Variants in ST6GALNAC1 observed in about 807,000 individuals in gnomAD.
ST6GALNAC1 encodes ST6 N-acetylgalactosaminide alpha-2,6-sialyltransferase 1.
ST6GALNAC1 carries 45 observed loss-of-function variants against 56.8 expected under a neutral mutation model. The observed-to-expected ratio is 0.79, with a 90% CI of 0.62 to 1.02. The LOEUF (loss-of-function observed/expected upper bound fraction) is 1.02, where lower values mean the gene tolerates loss of function less well. ST6GALNAC1 is among the 50% of genes least tolerant of loss of function. The pLI, the probability that ST6GALNAC1 is intolerant of heterozygous loss-of-function variation, is 0.00. For missense variants in ST6GALNAC1, 743 were observed against 754.8 expected, an observed-to-expected ratio of 0.98 and a Z score of 0.18; for synonymous variants, 295 against 297.8, an observed-to-expected ratio of 0.99 and a Z score of 0.10.
chr17:76,624,410 C>T (rs754949711), downstream of ST6GALNAC1, among the ~76,000 whole-genome samples: 3 of 152,006 alleles, frequency 2.0e-5, no homozygotes, highest in Admixed American at 6.6e-5. Context: ...CCACCACGCC[C>T]GGCTTACTTT....
Position 76,643,511 on chromosome 17 carries a change from G to C in ST6GALNAC1, c.128C>G (p.Ser43Cys), listed in dbSNP as rs745878575. 2 of 1,613,912 alleles carry C rather than the reference G, an allele frequency of 1.2e-6. No homozygotes were observed. The highest frequency in any genetic ancestry group is 1.1e-5 in the South Asian group (1 of 91,058). The change falls in exon 1 of 9, where the codon TCC becomes TGC. Residue 43 changes from serine (S) to cysteine (C), a missense_variant. Physicochemically the swap from Ser to Cys is moderately radical, Grantham distance 112. Transcript: ENST00000156626. Reference sequence around the variant, plus strand: ...GTGGAAAGGACAAGAATCTTACCTGGAAGGCTTTGTTTGAGGCTCCTTAAT... The same window carrying C: ...GTGGAAAGGACAAGAATCTTACCTGCAAGGCTTTGTTTGAGGCTCCTTAAT... ...SFIKEPQTKP[S>C]RHQRTENIKE...
Position 76,626,784 on chromosome 17 carries a change from C to T in ST6GALNAC1, c.1178G>A (p.Ser393Asn). ...TTCGTAGCCTTTAATGAGAGCTCCG[C>T]TCAATCTGTGCAGAAAGACACAATC... is the stretch of plus-strand genomic sequence containing the variant. ...IDSHDYVFRL[S>N]GALIKGYEQD... The change falls in exon 5 of 9, where the codon AGC becomes AAC. Residue 393 changes from serine (S) to asparagine (N), a missense_variant. Coordinates refer to ENST00000156626, the MANE Select transcript of ST6GALNAC1 (RefSeq NM_018414.5). 6.2e-7 allele frequency: 1 copy of T among 1,614,032 alleles called. No individual in the cohort carries two copies. The highest frequency in any genetic ancestry group is 8.5e-7 in the Non-Finnish European group (1 of 1,180,044).
At chr17:76,631,865 A>G (rs903207769) in intron 1 of ST6GALNAC1, among the ~76,000 whole-genome samples, 6 of 152,164 alleles carry the variant, frequency 3.9e-5, no homozygotes, top group African/African-American at 1.4e-4. Context: ...TTATTGGTTC[A>G]TGAACTGGGA....
chr17:76,643,127 T>C (rs999855827), intron 1 of ST6GALNAC1, among the ~76,000 whole-genome samples: 1 of 152,188 alleles, frequency 6.6e-6, no homozygotes, highest in African/African-American at 2.4e-5. Context: ...CATGGCTCTT[T>C]CGCTTCAGGA....
In ST6GALNAC1 at chr17:76,626,803, C is replaced by T. The variant is rs187933583; in HGVS notation, c.1173-14G>A. 787 of 1,576,616 alleles carry T rather than the reference C, an allele frequency of 5.0e-4. No homozygotes were observed. Among genetic ancestry groups the T allele is most frequent in the Middle Eastern group, 2.3e-3 (14 of 5,996 alleles). ...GCTCCGCTCAATCTGTGCAGAAAGA[C>T]ACAATCAGACGGGACAGGTGAGCAG... On this transcript the variant is annotated splice_polypyrimidine_tract_variant and intron_variant, in intron 4 of 8. Coordinates refer to ENST00000156626, the MANE Select transcript of ST6GALNAC1 (RefSeq NM_018414.5).
intron 5 of ST6GALNAC1, 38 bp downstream of exon 5, chr17:76,626,611 CAG>C (rs752532873): frequency 8.1e-6 from 13 of 1,613,118 alleles, no homozygotes; most frequent in Non-Finnish European, 9.3e-6. Context: ...CTCCCTCATC[CAG>C]AGTCTGGGTG....
intron 1 of ST6GALNAC1, among the ~76,000 whole-genome samples, chr17:76,634,599 C>T (rs1024297193): frequency 2.4e-4 from 30 of 122,822 alleles, no homozygotes; most frequent in African/African-American, 9.2e-4. Context: ...GTTGGCCAGG[C>T]GTGGTGCCTC....
chr17:76,620,917 T>C (rs2075733479), downstream of ST6GALNAC1, among the ~76,000 whole-genome samples: 1 of 152,088 alleles, frequency 6.6e-6, no homozygotes, highest in Admixed American at 6.6e-5. Context: ...TTCTATCTTG[T>C]ACAAGGCATA....
chr17:76,625,391 T>C lies in ST6GALNAC1; in HGVS notation c.1742A>G (p.Asp581Gly). The C allele has an allele frequency of 1.2e-6, 2 of 1,614,188 alleles. No individual in the cohort carries two copies. Among genetic ancestry groups the C allele is most frequent in the Non-Finnish European group, 1.7e-6 (2 of 1,180,046 alleles). The change falls in exon 9 of 9, where the codon GAT becomes GGT. Residue 581 changes from aspartate to glycine, a missense_variant. By Grantham distance (94) the Asp-to-Gly change is moderately conservative (BLOSUM62 -1). Coordinates refer to ENST00000156626, the MANE Select transcript of ST6GALNAC1 (RefSeq NM_018414.5). ...LEREVWKRLH[D>G]EGIIRLYQRP... is the part of the protein sequence containing the mutation. ...CTGGTACAGCCGGATTATCCCTTCATCGTGTAGCCGCTTCCAGACTTCTCT... is the reference window on the plus strand; with the variant it reads ...CTGGTACAGCCGGATTATCCCTTCACCGTGTAGCCGCTTCCAGACTTCTCT...
rs2076070810 is a variant in ST6GALNAC1 at position 76,643,113 on chromosome 17, A to G, written c.131+395T>C. 3.9e-5 allele frequency among the ~76,000 whole-genome samples: 6 copies of G among 152,364 alleles called. No homozygotes were observed. The South Asian group carries it at 1.2e-3, about 32-fold the overall frequency. ...TCCGGGTCTGAAACAAGTGGAACAC[A>G]CAGCATGGCTCTTTCGCTTCAGGAC... On this transcript the variant is annotated intron_variant, in intron 1 of 8. Coordinates refer to ENST00000156626, the MANE Select transcript of ST6GALNAC1 (RefSeq NM_018414.5).
rs1261109931 is a variant in ST6GALNAC1, at chr17:76,629,284, T to C, written c.559A>G (p.Lys187Glu). The C allele has an allele frequency of 6.2e-7, 1 of 1,614,080 alleles. No homozygotes were observed. Among genetic ancestry groups the C allele is most frequent in the African/African-American group, 1.3e-5 (1 of 74,926 alleles). The change falls in exon 2 of 9, where the codon AAA becomes GAA. Residue 187 changes from lysine to glutamate, a missense_variant. Lys to Glu is a moderately conservative substitution (Grantham distance 56). Coordinates refer to ENST00000156626, the MANE Select transcript of ST6GALNAC1 (RefSeq NM_018414.5). Reference sequence around the variant, plus strand: ...AGCGTCTTGGCTGTGGTTGCCGCTTTGCCCTGGTGCTTCTCTGACACCGTC... The same window carrying C: ...AGCGTCTTGGCTGTGGTTGCCGCTTCGCCCTGGTGCTTCTCTGACACCGTC... ...SRTVSEKHQG[K>E]AATTAKTLIP...
chr17:76,622,303 T>C (rs188991639), downstream of ST6GALNAC1, among the ~76,000 whole-genome samples: 806 of 151,752 alleles, frequency 5.3e-3, 6 homozygotes, highest in African/African-American at 0.019. Context: ...GCAAATATTT[T>C]CTCCCACTTT....
rs781649993 is a variant in ST6GALNAC1 at position 76,629,316 on chromosome 17, G to T, written c.527C>A (p.Ala176Asp). ...GNGGQTRKLT[A>D]SRTVSEKHQG... Reference sequence around the variant, plus strand: ...GTGCTTCTCTGACACCGTCCTGGAGGCCGTCAGCTTCCTGGTCTGGCCCCC... The same window carrying T: ...GTGCTTCTCTGACACCGTCCTGGAGTCCGTCAGCTTCCTGGTCTGGCCCCC... Residue 176 changes from alanine to aspartate, a missense_variant, in exon 2 of 9, where the codon GCC becomes GAC. Transcript: ENST00000156626. The T allele has an allele frequency of 9.9e-6, 16 of 1,614,076 alleles. No individual in the cohort carries two copies. In the African/African-American group the frequency reaches 1.6e-4, roughly 16 times the overall value.
intron 5 of ST6GALNAC1, 22 bp downstream of exon 5, chr17:76,626,629 A>AG: frequency 6.2e-7 from 1 of 1,613,904 alleles, no homozygotes; most frequent in Non-Finnish European, 8.5e-7. Flanking sequence ...GGGTGTGGCC[A>AG]GGCTCCTTCC....
At chr17:76,622,943 G>A (rs1275596892), downstream of ST6GALNAC1, among the ~76,000 whole-genome samples, 2 of 152,072 alleles carry the variant, frequency 1.3e-5, no homozygotes, top group African/African-American at 4.8e-5. Context: ...ACAGGCATGC[G>A]CCACCAGGCC....
intron 2 of ST6GALNAC1, among the ~76,000 whole-genome samples, chr17:76,628,635 C>T (rs1319191906): frequency 6.6e-6 from 1 of 152,020 alleles, no homozygotes; most frequent in African/African-American, 2.4e-5. Flanking sequence ...TCTGTGAGTC[C>T]CTCCCCTGCA....
intron 1 of ST6GALNAC1, among the ~76,000 whole-genome samples, chr17:76,639,708 C>A: frequency 7.0e-6 from 1 of 142,572 alleles, no homozygotes; most frequent in Non-Finnish European, 1.5e-5. Context: ...AGGTGTTCTA[C>A]CTGGCTCTAA....
Position 76,626,523 on chromosome 17 carries a change from C to T in ST6GALNAC1, c.1311+128G>A, listed in dbSNP as rs896617086. Reference sequence around the variant, plus strand: ...GTCTGACTGTCCTCCCCACTCCTGCCCTTATAGGAGGGGAGCCTGTACCAA... The same window carrying T: ...GTCTGACTGTCCTCCCCACTCCTGCTCTTATAGGAGGGGAGCCTGTACCAA... On this transcript the variant is annotated intron_variant, in intron 5 of 8. Transcript: ENST00000156626. The T allele has an allele frequency of 9.3e-6, 14 of 1,512,516 alleles. No homozygotes were observed. The African/African-American group carries it at 1.8e-4, about 19-fold the overall frequency. The allele number at this position is 1,512,516 out of a possible 1,614,324, so 93.7% of individuals were successfully genotyped here. A position where few individuals can be genotyped will look rare whatever the true frequency, so the allele number is the denominator to read the frequency against.
chr17:76,641,679 A>G (rs941913017), intron 1 of ST6GALNAC1: 2 of 152,228 alleles, frequency 1.3e-5, no homozygotes, highest in African/African-American at 4.8e-5. Flanking sequence ...GTGTCCACTG[A>G]CATTTCATGT....
Sources: gnomAD v4.1 joint callset for allele counts (sites outside exome capture counted in the v4.1 genomes callset) on GRCh38, gnomAD v4.1.1 for gene constraint, MANE v1.5 for transcripts, NCBI Gene and HGNC (gene_info 2026-07-23, HGNC 2026-07-21) for gene names.